The following ASTN2 variants were observed in gnomAD, a reference collection of about 807,000 sequenced individuals.
ASTN2 encodes astrotactin-2.
ASTN2 carries 54 observed loss-of-function variants against 139.8 expected under a neutral mutation model. The observed-to-expected ratio is 0.39, with a 90% CI of 0.31 to 0.48. The LOEUF (loss-of-function observed/expected upper bound fraction) is 0.48. Among genes scored for constraint, ASTN2 ranks in the 20% least tolerant of loss-of-function variants. The probability of loss-of-function intolerance (pLI) is 0.95; values close to 1 mark genes in which losing one functional copy is unlikely to be tolerated. For missense variants in ASTN2, 1,565 were observed against 1,725.1 expected, an observed-to-expected ratio of 0.91 and a Z score of 1.64; for synonymous variants, 756 against 719.5, an observed-to-expected ratio of 1.05 and a Z score of -0.81.
intron 3 of ASTN2, among the ~76,000 whole-genome samples, chr9:117,200,774 T>C (rs1054332894): frequency 5.9e-5 from 9 of 152,160 alleles, no homozygotes; most frequent in Admixed American, 2.6e-4. Flanking sequence ...CAGTATTTTA[T>C]TGAGGATTTT....
intron 1 of ASTN2, among the ~76,000 whole-genome samples, chr9:117,338,058 A>C (rs1828941911): frequency 6.6e-6 from 1 of 152,204 alleles, no homozygotes; most frequent in Non-Finnish European, 1.5e-5. Flanking sequence ...TCTCGCATTT[A>C]TCTATCTACA....
At chr9:117,211,776 A>G (rs1832139578) in intron 3 of ASTN2, among the ~76,000 whole-genome samples, 1 of 152,232 alleles carries the variant, frequency 6.6e-6, no homozygotes, top group African/African-American at 2.4e-5. Flanking sequence ...GCTGAAAAAG[A>G]AACCAAGAAG....
chr9:116,671,037 T>C (rs1474451952), intron 16 of ASTN2, among the ~76,000 whole-genome samples: 1 of 152,170 alleles, frequency 6.6e-6, no homozygotes, highest in Admixed American at 6.5e-5. Context: ...TTTGAGCTAG[T>C]TCAATGTTCA....
chr9:116,847,050 A>C (rs1450488674), intron 11 of ASTN2, among the ~76,000 whole-genome samples: 2 of 151,282 alleles, frequency 1.3e-5, no homozygotes, highest in Non-Finnish European at 2.9e-5. Context: ...ACAAAAAACA[A>C]AAAAAAACAT....
At chr9:117,121,012 G>T (rs943576942) in intron 4 of ASTN2, among the ~76,000 whole-genome samples, 19 of 152,318 alleles carry the variant, frequency 1.2e-4, no homozygotes, top group Middle Eastern at 3.4e-3. Context: ...ACAGCCTGGG[G>T]TACACAGTAT....
At position 116,993,876 on chromosome 9, in the gene ASTN2, A is replaced by ATATATT. The variant is rs1030120382; in HGVS notation, c.1591+14215_1591+14216insAATATA. Among the ~76,000 whole-genome samples, 639 of 142,028 alleles carry ATATATT rather than the reference A, an allele frequency of 4.5e-3. 4 individuals are homozygous for ATATATT. The highest frequency in any genetic ancestry group is 0.015 in the African/African-American group (595 of 38,844). 93.2% of individuals were successfully genotyped at this position (142,028 alleles called of 152,430 possible). ...ATGATATATATATATATATATATATATTTTAACTATATTACTATATATATT... is the reference window on the plus strand; with the variant it reads ...ATGATATATATATATATATATATATATATATTTTTTAACTATATTACTATATATATT... On this transcript the variant is annotated intron_variant, in intron 7 of 22. Coordinates refer to ENST00000313400, the MANE Select transcript of ASTN2 (RefSeq NM_001365068.1).
chr9:116,847,784 C>T (rs1405983985), intron 11 of ASTN2, among the ~76,000 whole-genome samples: 1 of 152,236 alleles, frequency 6.6e-6, no homozygotes, highest in Non-Finnish European at 1.5e-5. Context: ...CTGCCTTTTA[C>T]AATGTGTTAA....
chr9:116,864,258 G>A (rs1832963294), intron 10 of ASTN2, among the ~76,000 whole-genome samples: 1 of 152,064 alleles, frequency 6.6e-6, no homozygotes, highest in South Asian at 2.1e-4. Flanking sequence ...AAGATTGTGG[G>A]ACTGACTCCA....
intron 1 of ASTN2, among the ~76,000 whole-genome samples, chr9:117,408,197 C>G (rs1427147176): frequency 6.6e-6 from 1 of 150,744 alleles, no homozygotes; most frequent in Admixed American, 6.6e-5. Context: ...CTTTATGATG[C>G]TGAACTAACT....
intron 3 of ASTN2, among the ~76,000 whole-genome samples, chr9:117,212,074 A>G (rs1190637609): frequency 6.6e-6 from 1 of 152,212 alleles, no homozygotes; most frequent in African/African-American, 2.4e-5. Context: ...AGACACATAC[A>G]TAGATGAATG....
chr9:117,169,772 C>T lies in ASTN2; in HGVS notation c.1016-28294G>A, dbSNP rs952485342. Among the ~76,000 whole-genome samples the T allele has an allele frequency of 2.0e-5, 3 of 152,154 alleles. No homozygotes were observed. The South Asian group carries it at 6.2e-4, about 32-fold the overall frequency. On this transcript the variant is annotated intron_variant, in intron 3 of 22. Coordinates refer to ENST00000313400, the MANE Select transcript of ASTN2 (RefSeq NM_001365068.1). ...GGGCTGGTGTGGGGAGGGAAGGTTTCCATGATGAATTAGAGACAGCTTTTA... is the reference window on the plus strand; with the variant it reads ...GGGCTGGTGTGGGGAGGGAAGGTTTTCATGATGAATTAGAGACAGCTTTTA...
At chr9:116,610,281 C>T (rs1416272771) in intron 19 of ASTN2, among the ~76,000 whole-genome samples, 3 of 152,106 alleles carry the variant, frequency 2.0e-5, no homozygotes, top group Admixed American at 6.6e-5. Flanking sequence ...TCCAGAAACA[C>T]ACTTTTAATA....
chr9:117,108,170 C>G (rs1343063030), intron 4 of ASTN2, among the ~76,000 whole-genome samples: 2 of 152,070 alleles, frequency 1.3e-5, no homozygotes, highest in East Asian at 1.9e-4. Flanking sequence ...GATTGCACAG[C>G]CAGTACAGAG....
chr9:116,733,651 T>C (rs1195648926), intron 13 of ASTN2, 128 bp from the exon 14 acceptor site: 11 of 1,218,338 alleles, frequency 9.0e-6, no homozygotes, highest in African/African-American at 3.0e-5. Context: ...GTAATGCCTC[T>C]GGTTTCCTGA....
At chr9:116,811,526 T>C (rs1418754415) in intron 12 of ASTN2, among the ~76,000 whole-genome samples, 1 of 152,230 alleles carries the variant, frequency 6.6e-6, no homozygotes, top group Non-Finnish European at 1.5e-5. Context: ...TTTTTGAGAT[T>C]CTAAGGTAGT....
intron 8 of ASTN2, 144 bp downstream of exon 8, chr9:116,976,557 C>A (rs1836345777): frequency 1.6e-6 from 1 of 644,738 alleles, no homozygotes; most frequent in Admixed American, 3.0e-5. Context: ...AAGTAGGATT[C>A]ACTTCCCATT....
intron 13 of ASTN2, among the ~76,000 whole-genome samples, chr9:116,756,325 G>T (rs1455454013): frequency 6.6e-6 from 1 of 152,128 alleles, no homozygotes; most frequent in African/African-American, 2.4e-5. Flanking sequence ...GCCTATTATA[G>T]AACCTATCTA....
chr9:116,968,685 G>C (rs993717864), intron 10 of ASTN2, among the ~76,000 whole-genome samples: 1 of 152,020 alleles, frequency 6.6e-6, no homozygotes, highest in Non-Finnish European at 1.5e-5. Context: ...GATCACTTGA[G>C]GTCAGGAGTT....
At chr9:116,632,509 C>G (rs966724417) in intron 17 of ASTN2, among the ~76,000 whole-genome samples, 1 of 152,038 alleles carries the variant, frequency 6.6e-6, no homozygotes, top group African/African-American at 2.4e-5. Flanking sequence ...TTTTTCTTAG[C>G]CTGGCACACA....
Sources: allele counts gnomAD v4.1 joint callset (sites outside exome capture counted in the v4.1 genomes callset), GRCh38; gene constraint gnomAD v4.1.1; transcripts MANE v1.5; gene names NCBI Gene and HGNC (gene_info 2026-07-23, HGNC 2026-07-21).